JARID2: variants seen among roughly 807,000 people sequenced by gnomAD.
JARID2 encodes protein Jumonji.
Under a neutral mutation model 125.6 loss-of-function variants are expected in JARID2, and 21 were observed. The observed-to-expected ratio is 0.17, with a 90% CI of 0.12 to 0.24. The LOEUF (loss-of-function observed/expected upper bound fraction) is 0.24. Ranked by LOEUF, JARID2 falls within the 10% of genes least tolerant of loss-of-function variation. JARID2 has a pLI of 1.00. For missense variants in JARID2, 1,303 were observed against 1,639.6 expected, an observed-to-expected ratio of 0.79 and a Z score of 3.55; for synonymous variants, 736 against 661.6, an observed-to-expected ratio of 1.11 and a Z score of -1.73.
intron 5 of JARID2, among the ~76,000 whole-genome samples, chr6:15,481,856 A>AG (rs1374217296): frequency 1.3e-5 from 2 of 152,182 alleles, no homozygotes; most frequent in African/African-American, 4.8e-5. Flanking sequence ...TCTTTAGTAG[A>AG]GTACCTTGCT....
intron 1 of JARID2, among the ~76,000 whole-genome samples, chr6:15,332,552 A>G (rs1221444192): frequency 6.6e-6 from 1 of 152,198 alleles, no homozygotes; most frequent in Non-Finnish European, 1.5e-5. Context: ...TTATAGTGAC[A>G]AAAGCCTGTA....
intron 2 of JARID2, among the ~76,000 whole-genome samples, chr6:15,393,336 A>G (rs1765095988): frequency 6.6e-6 from 1 of 152,238 alleles, no homozygotes; most frequent in Non-Finnish European, 1.5e-5. Context: ...GCTGAGTTCA[A>G]AATTATCTTT....
intron 1 of JARID2, among the ~76,000 whole-genome samples, chr6:15,366,940 T>C (rs925727873): frequency 6.6e-6 from 1 of 151,872 alleles, no homozygotes; most frequent in Non-Finnish European, 1.5e-5. Context: ...TGTAGTGGCT[T>C]TATTTCTTTT....
chr6:15,304,305 C>CCCCT, intron 1 of JARID2, among the ~76,000 whole-genome samples: 1 of 28,760 alleles, frequency 3.5e-5, no homozygotes, highest in East Asian at 1.3e-3. Context: ...TTTGCTGATC[C>CCCCT]CCCCCCCCCC....
chr6:15,507,731 A>G (rs1302704818), intron 11 of JARID2, among the ~76,000 whole-genome samples: 1 of 152,220 alleles, frequency 6.6e-6, no homozygotes, highest in Non-Finnish European at 1.5e-5. Flanking sequence ...TGCAGGCTTG[A>G]AATCATGAAT....
At chr6:15,391,573 GA>G (rs1765011021) in intron 2 of JARID2, among the ~76,000 whole-genome samples, 1 of 152,192 alleles carries the variant, frequency 6.6e-6, no homozygotes, top group South Asian at 2.1e-4. Flanking sequence ...CAGCTTTTTA[GA>G]AATGATAAAG....
intron 2 of JARID2, among the ~76,000 whole-genome samples, chr6:15,383,982 T>C (rs1764688261): frequency 6.6e-6 from 1 of 151,860 alleles, no homozygotes; most frequent in African/African-American, 2.4e-5. Flanking sequence ...TTAGTAGAGA[T>C]GGAGTTTCTC....
At chr6:15,374,399 A>C in intron 2 of JARID2, 147 bp downstream of exon 2, 2 of 768,618 alleles carry the variant, frequency 2.6e-6, no homozygotes, top group Non-Finnish European at 4.2e-6. Flanking sequence ...TGCACTGCAG[A>C]CATCCTGTTG....
chr6:15,345,176 C>G (rs35870623), intron 1 of JARID2, among the ~76,000 whole-genome samples: 13,119 of 152,122 alleles, frequency 0.086, 634 homozygotes, highest in East Asian at 0.2. Context: ...TGCTGCTTAT[C>G]TATATATGTA....
intron 5 of JARID2, among the ~76,000 whole-genome samples, chr6:15,481,964 G>T (rs377063232): frequency 6.6e-6 from 1 of 152,174 alleles, no homozygotes; most frequent in African/African-American, 2.4e-5. Context: ...GGTACTCACC[G>T]CTTTGCTGTC....
intron 14 of JARID2, 77 bp from the exon 15 acceptor site, chr6:15,512,838 C>T: frequency 2.2e-6 from 3 of 1,363,748 alleles, no homozygotes; most frequent in African/African-American, 1.5e-5. Flanking sequence ...AGCCTGCCTG[C>T]CCCCTCCACC....
chr6:15,262,106 G>A (rs1759905513), intron 1 of JARID2, among the ~76,000 whole-genome samples: 1 of 151,498 alleles, frequency 6.6e-6, no homozygotes, highest in African/African-American at 2.4e-5. Context: ...CTTTGTCTGA[G>A]TAGGCACTGA....
In JARID2 at chr6:15,521,577, C is replaced by T. The variant is rs1388367821; in HGVS notation, c.*1326C>T. ...AAAAATAATAATGGAGTAGCTGTTG[C>T]CCTTCTCCGGTTGTGTGTACAGTAT... On this transcript the variant is annotated 3_prime_UTR_variant, in exon 18 of 18. Coordinates refer to ENST00000341776, the MANE Select transcript of JARID2 (RefSeq NM_004973.4). The T allele has an allele frequency of 6.6e-6, 1 of 152,012 alleles. No individual in the cohort carries two copies. Among genetic ancestry groups the T allele is most frequent in the African/African-American group, 2.4e-5 (1 of 41,350 alleles). 9.4% of individuals were successfully genotyped at this position (152,012 alleles called of 1,614,324 possible).
intron 1 of JARID2, among the ~76,000 whole-genome samples, chr6:15,317,531 G>A (rs1003007100): frequency 2.0e-5 from 3 of 152,010 alleles, no homozygotes; most frequent in African/African-American, 7.2e-5. Context: ...CTTGCCTCTT[G>A]AACTGAAAGT....
chr6:15,424,632 C>T (rs1189159139), intron 3 of JARID2, among the ~76,000 whole-genome samples: 2 of 152,000 alleles, frequency 1.3e-5, no homozygotes, highest in African/African-American at 2.4e-5. Flanking sequence ...CTGAGTTGGG[C>T]GGATCACCTG....
chr6:15,492,592 C>G (rs953540763), intron 6 of JARID2, among the ~76,000 whole-genome samples: 1 of 152,168 alleles, frequency 6.6e-6, no homozygotes, highest in African/African-American at 2.4e-5. Context: ...TGGTGGGTCC[C>G]AGGTTTCCCC....
intron 1 of JARID2, among the ~76,000 whole-genome samples, chr6:15,316,409 C>T (rs1762181609): frequency 6.6e-6 from 1 of 152,160 alleles, no homozygotes; most frequent in African/African-American, 2.4e-5. Flanking sequence ...TCAGTTGCTA[C>T]CCTACAGAGG....
chr6:15,262,818 C>T (rs1049889384), intron 1 of JARID2, among the ~76,000 whole-genome samples: 11 of 152,136 alleles, frequency 7.2e-5, no homozygotes, highest in Admixed American at 3.9e-4. Flanking sequence ...CGTGAGCCAC[C>T]GTGCCCGGCC....
chr6:15,289,806 A>T (rs1283614307), intron 1 of JARID2, among the ~76,000 whole-genome samples: 1 of 152,194 alleles, frequency 6.6e-6, no homozygotes, highest in African/African-American at 2.4e-5. Flanking sequence ...AGATGGTGCC[A>T]CTGCACTCCA....
Sources: allele counts gnomAD v4.1 joint callset (sites outside exome capture counted in the v4.1 genomes callset), GRCh38; gene constraint gnomAD v4.1.1; transcripts MANE v1.5; gene names NCBI Gene and HGNC (gene_info 2026-07-23, HGNC 2026-07-21).